CSGALNACT1: variants seen among roughly 807,000 people sequenced by gnomAD.
CSGALNACT1 encodes the protein beta4GalNAcT-1.
Under a neutral mutation model 51.0 loss-of-function variants are expected in CSGALNACT1, and 52 were observed. That is an observed-to-expected ratio of 1.02 (90% CI 0.82 to 1.29). The LOEUF (loss-of-function observed/expected upper bound fraction) is 1.29, where lower values mean the gene tolerates loss of function less well. Among genes scored for constraint, CSGALNACT1 ranks in the 50% most tolerant of loss-of-function variants. The probability of loss-of-function intolerance (pLI) is 0.00; values close to 1 mark genes in which losing one functional copy is unlikely to be tolerated. For missense variants in CSGALNACT1, 935 were observed against 679.2 expected, an observed-to-expected ratio of 1.38 and a Z score of -4.19; for synonymous variants, 341 against 254.4, an observed-to-expected ratio of 1.34 and a Z score of -3.24.
At chr8:19,676,893 T>TA (rs1195019024) in intron 1 of CSGALNACT1, among the ~76,000 whole-genome samples, 2 of 152,276 alleles carry the variant, frequency 1.3e-5, no homozygotes, top group African/African-American at 4.8e-5. Context: ...ACACTACTGA[T>TA]AAATGAAGCC....
chr8:19,475,221 GA>G (rs2069236564), intron 4 of CSGALNACT1, among the ~76,000 whole-genome samples: 1 of 152,162 alleles, frequency 6.6e-6, no homozygotes, highest in Non-Finnish European at 1.5e-5. Flanking sequence ...GGCACAATCA[GA>G]AAAATGCAGA....
intron 8 of CSGALNACT1, among the ~76,000 whole-genome samples, chr8:19,417,323 T>C (rs773640849): frequency 3.9e-5 from 6 of 152,100 alleles, no homozygotes; most frequent in African/African-American, 7.2e-5. Flanking sequence ...AATGAAGCCA[T>C]GCTAGGATAT....
At chr8:19,443,379 T>A (rs1586132856) in intron 5 of CSGALNACT1, among the ~76,000 whole-genome samples, 1 of 152,292 alleles carries the variant, frequency 6.6e-6, no homozygotes, top group South Asian at 2.1e-4. Context: ...ATGTGTACAG[T>A]TTCCCCTCAG....
intron 1 of CSGALNACT1, among the ~76,000 whole-genome samples, chr8:19,616,551 T>C (rs539637380): frequency 1.4e-4 from 21 of 152,200 alleles, no homozygotes; most frequent in Non-Finnish European, 2.8e-4. Flanking sequence ...ATCTGCAATG[T>C]TGGAGGTGGG....
At chr8:19,528,331 C>T (rs775001349) in intron 3 of CSGALNACT1, among the ~76,000 whole-genome samples, 26 of 151,572 alleles carry the variant, frequency 1.7e-4, no homozygotes, top group African/African-American at 5.8e-4. Flanking sequence ...CTGACAGTCA[C>T]GGCAAGGTCA....
chr8:19,717,103 A>G (rs2062854635), intron 1 of CSGALNACT1, among the ~76,000 whole-genome samples: 1 of 152,238 alleles, frequency 6.6e-6, no homozygotes, highest in South Asian at 2.1e-4. Flanking sequence ...GATAAGCACT[A>G]TGCAGGTGTT....
At chr8:19,521,615 G>A (rs934095576) in intron 3 of CSGALNACT1, among the ~76,000 whole-genome samples, 5 of 148,182 alleles carry the variant, frequency 3.4e-5, no homozygotes, top group Non-Finnish European at 4.5e-5. Flanking sequence ...CATGGGAGGC[G>A]GAGGCTGCAG....
chr8:19,421,885 G>A (rs1425685758), intron 6 of CSGALNACT1, among the ~76,000 whole-genome samples: 1 of 152,082 alleles, frequency 6.6e-6, no homozygotes, highest in Non-Finnish European at 1.5e-5. Context: ...AGGTTAGGAG[G>A]CCTCATGATG....
chr8:19,439,014 A>G (rs1461182489), intron 6 of CSGALNACT1, among the ~76,000 whole-genome samples: 1 of 152,214 alleles, frequency 6.6e-6, no homozygotes, highest in East Asian at 1.9e-4. Flanking sequence ...ACCACTGGCC[A>G]TACTCAAACC....
At chr8:19,700,749 G>A (rs2061821604) in intron 1 of CSGALNACT1, among the ~76,000 whole-genome samples, 1 of 152,182 alleles carries the variant, frequency 6.6e-6, no homozygotes, top group Non-Finnish European at 1.5e-5. Flanking sequence ...ACCAAAATCT[G>A]TCTGTCCAAG....
intron 3 of CSGALNACT1, among the ~76,000 whole-genome samples, chr8:19,533,224 C>G (rs555530183): frequency 2.4e-4 from 36 of 152,242 alleles, no homozygotes; most frequent in African/African-American, 8.4e-4. Flanking sequence ...TCAAGCGATC[C>G]TCTCACTTCA....
intron 8 of CSGALNACT1, 28 bp from the exon 8 acceptor site, chr8:19,408,722 G>C (rs147470628): frequency 1.2e-6 from 2 of 1,604,530 alleles, no homozygotes; most frequent in African/African-American, 1.3e-5. Flanking sequence ...TCATTTGAGG[G>C]GAAAGTTTAG....
At chr8:19,630,245 T>C (rs1262326547) in intron 1 of CSGALNACT1, among the ~76,000 whole-genome samples, 2 of 94,576 alleles carry the variant, frequency 2.1e-5, no homozygotes, top group Admixed American at 2.0e-4. Flanking sequence ...TGTGTGTGTA[T>C]GTGTGTGTGT....
intron 1 of CSGALNACT1, among the ~76,000 whole-genome samples, chr8:19,680,578 C>CCA (rs1339762819): frequency 2.2e-4 from 24 of 111,394 alleles, no homozygotes; most frequent in Non-Finnish European, 4.5e-4. Flanking sequence ...CCCCCCCCCC[C>CCA]CACAAAAAAA....
chr8:19,627,072 A>C (rs1219549527), intron 1 of CSGALNACT1, among the ~76,000 whole-genome samples: 1 of 152,240 alleles, frequency 6.6e-6, no homozygotes, highest in African/African-American at 2.4e-5. Context: ...TCAAGAAATG[A>C]AAACATTCTC....
At chr8:19,564,723 T>C (rs574877468) in intron 3 of CSGALNACT1, among the ~76,000 whole-genome samples, 2 of 152,352 alleles carry the variant, frequency 1.3e-5, no homozygotes, top group South Asian at 4.1e-4. Flanking sequence ...AAAGACGCCC[T>C]TGCTCACTCT....
chr8:19,666,962 A>G (rs534257931), intron 1 of CSGALNACT1, among the ~76,000 whole-genome samples: 2 of 11,654 alleles, frequency 1.7e-4, no homozygotes, highest in African/African-American at 9.3e-4. Context: ...AAAGAAAGAA[A>G]GAAAGAAAGA....
At chr8:19,447,853 A>G (rs1380945074) in intron 5 of CSGALNACT1, among the ~76,000 whole-genome samples, 3 of 152,242 alleles carry the variant, frequency 2.0e-5, no homozygotes, top group Non-Finnish European at 1.5e-5. Flanking sequence ...AGACAAAGCT[A>G]CAAAAAACGT....
intron 1 of CSGALNACT1, among the ~76,000 whole-genome samples, chr8:19,667,034 AG>A (rs1589388132): frequency 3.0e-4 from 13 of 43,802 alleles, no homozygotes; most frequent in South Asian, 2.1e-3. Context: ...GAAGGAAGGA[AG>A]GAAGGAAGAA....
Sources: gnomAD v4.1 joint callset for allele counts (sites outside exome capture counted in the v4.1 genomes callset) on GRCh38, gnomAD v4.1.1 for gene constraint, MANE v1.5 for transcripts, NCBI Gene and HGNC (gene_info 2026-07-23, HGNC 2026-07-21) for gene names.